Variants in MDGA2 observed in about 807,000 individuals in gnomAD.
The protein encoded by MDGA2 is MAM domain containing glycosylphosphatidylinositol anchor 2.
A neutral mutation model predicts 117.8 loss-of-function variants in MDGA2; 40 were observed. The observed-to-expected ratio is 0.34, with a 90% CI of 0.26 to 0.44. MDGA2 has a LOEUF of 0.44. Ranked by LOEUF, MDGA2 falls within the 20% of genes least tolerant of loss-of-function variation. MDGA2 has a pLI of 1.00. For missense variants in MDGA2, 1,123 were observed against 1,250.6 expected (o/e 0.90, Z 1.54); for synonymous variants, 452 against 439.0 (o/e 1.03, Z -0.37).
At chr14:46,869,400 C>T (rs866184717) in intron 14 of MDGA2, among the ~76,000 whole-genome samples, 2 of 138,316 alleles carry the variant, frequency 1.4e-5, no homozygotes, top group Admixed American at 7.6e-5. Flanking sequence ...GTGGATTCAT[C>T]GAGAATTGAA....
chr14:47,224,348 C>T lies in MDGA2; in HGVS notation c.421-6153G>A, dbSNP rs555044561. ...ATAGATATTTCCTGAAACATCATTG[C>T]TTTTACATAGCCTTAAATTAAATCT... On this transcript the variant is annotated intron_variant, in intron 2 of 16. Transcript: ENST00000399232. Among the ~76,000 whole-genome samples, 65 of 84,722 alleles carry T rather than the reference C, an allele frequency of 7.7e-4. 1 individual carries two copies. Among genetic ancestry groups the T allele is most frequent in the African/African-American group, 2.2e-3 (62 of 27,990 alleles). The allele number at this position is 84,722 out of a possible 152,430, so 55.6% of individuals were successfully genotyped here.
chr14:47,387,204 G>C (rs148176712), intron 1 of MDGA2, among the ~76,000 whole-genome samples: 3 of 152,072 alleles, frequency 2.0e-5, no homozygotes, highest in African/African-American at 4.8e-5. Flanking sequence ...AAATTTCATA[G>C]GCCAAATCGG....
At chr14:47,319,754 C>CT (rs1183740215) in intron 1 of MDGA2, among the ~76,000 whole-genome samples, 7 of 152,170 alleles carry the variant, frequency 4.6e-5, no homozygotes, top group African/African-American at 9.6e-5. Context: ...TAAAGATTAA[C>CT]TTTTTTTCTG....
At chr14:47,609,428 C>CACAT (rs1477357010) in intron 1 of MDGA2, among the ~76,000 whole-genome samples, 1 of 17,564 alleles carries the variant, frequency 5.7e-5, no homozygotes, top group Non-Finnish European at 1.4e-4. Context: ...AGTATTCCAT[C>CACAT]ATATATATAT....
chr14:47,492,869 A>T (rs1594885028), intron 1 of MDGA2, among the ~76,000 whole-genome samples: 1 of 152,260 alleles, frequency 6.6e-6, no homozygotes, highest in Middle Eastern at 3.4e-3. Context: ...CTTTTGGTTC[A>T]TAATTCAAGG....
At position 47,317,543 on chromosome 14, in the gene MDGA2, C is replaced by T. The variant is rs570553128; in HGVS notation, c.281-15993G>A. On this transcript the variant is annotated intron_variant, in intron 1 of 16. Transcript: ENST00000399232. ...TTTTTTTGGAAGAGTTTACCTAAAGCTCTGATTATATCTTTTCAAGAAAAG... is the reference window on the plus strand; with the variant it reads ...TTTTTTTGGAAGAGTTTACCTAAAGTTCTGATTATATCTTTTCAAGAAAAG... 5.3e-5 allele frequency among the ~76,000 whole-genome samples: 8 copies of T among 152,062 alleles called. No individual in the cohort carries two copies. The South Asian group carries it at 1.7e-3, about 32-fold the overall frequency.
At chr14:47,278,394 C>CA (rs951054090) in intron 2 of MDGA2, among the ~76,000 whole-genome samples, 13 of 151,794 alleles carry the variant, frequency 8.6e-5, no homozygotes, top group African/African-American at 2.7e-4. Flanking sequence ...AGCCAGAACT[C>CA]AGACTGTGAA....
intron 1 of MDGA2, among the ~76,000 whole-genome samples, chr14:47,359,561 T>C (rs1350356689): frequency 2.0e-5 from 3 of 151,878 alleles, no homozygotes; most frequent in Admixed American, 2.0e-4. Context: ...GTTTCTCCAG[T>C]GCTGTTGGGA....
At chr14:47,075,129 A>C (rs141469142) in intron 6 of MDGA2, among the ~76,000 whole-genome samples, 10 of 152,272 alleles carry the variant, frequency 6.6e-5, no homozygotes, top group African/African-American at 2.2e-4. Flanking sequence ...CTCTCTGTCC[A>C]CATTGGATTC....
At position 46,949,838 on chromosome 14, in the gene MDGA2, T is replaced by A. The variant is rs1054480685; in HGVS notation, c.2089+7536A>T. Among the ~76,000 whole-genome samples, 8 of 152,056 alleles carry A rather than the reference T, an allele frequency of 5.3e-5. No homozygotes were observed. The East Asian group carries it at 1.2e-3, about 22-fold the overall frequency. On this transcript the variant is annotated intron_variant, in intron 9 of 16. Transcript: ENST00000399232. ...TAGGAGTTGAGGTGTCTTTTTTATATAATTATTTCTTTTCCTTTGGGTAGA... is the reference window on the plus strand; with the variant it reads ...TAGGAGTTGAGGTGTCTTTTTTATAAAATTATTTCTTTTCCTTTGGGTAGA...
chr14:47,080,747 C>T (rs572104606), intron 6 of MDGA2, among the ~76,000 whole-genome samples: 3 of 152,228 alleles, frequency 2.0e-5, no homozygotes, highest in African/African-American at 4.8e-5. Flanking sequence ...TCATAATGAT[C>T]CATTCTTTGT....
intron 1 of MDGA2, among the ~76,000 whole-genome samples, chr14:47,373,370 T>C (rs1474864385): frequency 6.6e-6 from 1 of 152,012 alleles, no homozygotes; most frequent in African/African-American, 2.4e-5. Flanking sequence ...CATAAACTCA[T>C]TAACAAACAT....
intron 1 of MDGA2, among the ~76,000 whole-genome samples, chr14:47,383,071 G>A (rs1891672934): frequency 6.6e-6 from 1 of 152,120 alleles, no homozygotes; most frequent in Non-Finnish European, 1.5e-5. Context: ...GGATGATGCT[G>A]GAAACCATTA....
rs1319346284 is a variant in MDGA2, at chr14:47,310,361, G to A, written c.281-8811C>T. 3.9e-5 allele frequency among the ~76,000 whole-genome samples: 6 copies of A among 152,084 alleles called. No homozygotes were observed. In the East Asian group the frequency reaches 7.7e-4, roughly 20 times the overall value. On this transcript the variant is annotated intron_variant, in intron 1 of 16. Coordinates refer to ENST00000399232, the MANE Select transcript of MDGA2 (RefSeq NM_001113498.3). ...GTCTAGGCAGTCACGCATAGCCATC[G>A]GTCATCCATGTTCCCTGTCTCTACC...
chr14:47,128,613 T>C (rs968511058), intron 5 of MDGA2, among the ~76,000 whole-genome samples: 1 of 152,120 alleles, frequency 6.6e-6, no homozygotes, highest in Non-Finnish European at 1.5e-5. Flanking sequence ...TCCCCTTTTT[T>C]AAGTCAGATG....
intron 3 of MDGA2, among the ~76,000 whole-genome samples, chr14:47,146,283 G>A (rs1010965473): frequency 1.3e-5 from 2 of 151,974 alleles, no homozygotes; most frequent in African/African-American, 4.8e-5. Flanking sequence ...ACATTCTGAG[G>A]GCTTTTTTTC....
intron 1 of MDGA2, among the ~76,000 whole-genome samples, chr14:47,663,718 A>G (rs1897891740): frequency 6.6e-6 from 1 of 152,208 alleles, no homozygotes; most frequent in South Asian, 2.1e-4. Context: ...GATGTGACAC[A>G]GTAATTGTGT....
At chr14:47,582,825 T>C (rs767061745) in intron 1 of MDGA2, among the ~76,000 whole-genome samples, 44 of 152,000 alleles carry the variant, frequency 2.9e-4, no homozygotes, top group Non-Finnish European at 5.6e-4. Context: ...TTTGATGATA[T>C]AGAATTATTC....
rs773702663 is a variant in MDGA2 at position 46,873,479 on chromosome 14, A to G, written c.2706T>C (p.Thr902=). The G allele has an allele frequency of 9.3e-6, 15 of 1,612,314 alleles. No homozygotes were observed. The highest frequency in any genetic ancestry group is 1.3e-5 in the Non-Finnish European group (15 of 1,178,954). Residue 902 remains threonine (T), a synonymous_variant, in exon 14 of 17, where the codon ACT becomes ACC. Coordinates refer to ENST00000399232, the MANE Select transcript of MDGA2 (RefSeq NM_001113498.3). ...APKNPYGPTN[T]AYCFSFFYHM... ...GATAAAAGAAGCTGAAACAATATGC[A>G]GTGTTTGTGGGTCCATAAGGGTTTT...
Sources: gnomAD v4.1 joint callset for allele counts (sites outside exome capture counted in the v4.1 genomes callset) on GRCh38, gnomAD v4.1.1 for gene constraint, MANE v1.5 for transcripts, NCBI Gene and HGNC (gene_info 2026-07-23, HGNC 2026-07-21) for gene names.